Variants in SLC26A4 observed in about 807,000 individuals in gnomAD.
SLC26A4 encodes the protein pendrin.
A neutral mutation model predicts 90.4 loss-of-function variants in SLC26A4; 93 were observed. The ratio of observed to expected loss-of-function variants is 1.03; its 90% CI spans 0.87 to 1.22. SLC26A4 has a LOEUF of 1.22. Ranked by LOEUF, SLC26A4 falls within the 50% of genes most tolerant of loss-of-function variation. The pLI, the probability that SLC26A4 is intolerant of heterozygous loss-of-function variation, is 0.00. For missense variants in SLC26A4, 1,127 were observed against 946.2 expected, an observed-to-expected ratio of 1.19 and a Z score of -2.51; for synonymous variants, 393 against 354.6, an observed-to-expected ratio of 1.11 and a Z score of -1.22.
intron 6 of SLC26A4, among the ~76,000 whole-genome samples, chr7:107,679,453 A>G (rs1791116912): frequency 6.6e-6 from 1 of 152,222 alleles, no homozygotes; most frequent in African/African-American, 2.4e-5. Flanking sequence ...TAAAATAAAC[A>G]AAAATAAATT....
Position 107,669,690 on chromosome 7 carries a change from T to C in SLC26A4, c.305-2448T>C, listed in dbSNP as rs138429622. On this transcript the variant is annotated intron_variant, in intron 3 of 20. Transcript: ENST00000644269. ...TTAACAGTGCCTGACACATGGTAGG[T>C]GCATAATCAACTGTTGTTGAATGAA... Among the ~76,000 whole-genome samples the C allele has an allele frequency of 1.3e-3, 202 of 152,330 alleles. 1 individual carries two copies. Among genetic ancestry groups the C allele is most frequent in the African/African-American group, 4.6e-3 (190 of 41,574 alleles).
At chr7:107,712,691 G>A in intron 20 of SLC26A4, 69 bp downstream of exon 20, 1 of 842,456 alleles carries the variant, frequency 1.2e-6, no homozygotes, top group East Asian at 2.5e-5. Context: ...TACAAATAGT[G>A]AATATATCTG....
chr7:107,674,257 TA>T lies in SLC26A4; in HGVS notation c.510del (p.Leu171Ter). 6.2e-7 allele frequency: 1 copy of T among 1,614,038 alleles called. No individual in the cohort carries two copies. The highest frequency in any genetic ancestry group is 1.1e-5 in the South Asian group (1 of 91,072). On this transcript the variant is annotated frameshift_variant, in exon 5 of 21. Coordinates refer to ENST00000644269, the MANE Select transcript of SLC26A4 (RefSeq NM_000441.2). LOFTEE classifies it high-confidence loss of function. ...CTCGTATCCAGCAGCAATGGAACTG[TA>T]TTAAATACTACTATGATAGACACTG... Reference protein sequence around the residue: ...HFLVSSSNGTVLNTTMIDTAA... With the variant: ...HFLVSSSNGTXLNTTMIDTAA...
chr7:107,670,407 C>CCT (rs1790831365), intron 3 of SLC26A4, among the ~76,000 whole-genome samples: 1 of 151,934 alleles, frequency 6.6e-6, no homozygotes, highest in African/African-American at 2.4e-5. Context: ...GCGCCCGGTC[C>CCT]CTCCGGCTTT....
chr7:107,700,952 G>A (rs1281556932), intron 15 of SLC26A4, 149 bp from the exon 16 acceptor site: 2 of 637,794 alleles, frequency 3.1e-6, no homozygotes, highest in African/African-American at 1.8e-5. Context: ...AGTAGACAGA[G>A]ATCTACTCCA....
At chr7:107,693,748 T>C (rs1394014608) in intron 10 of SLC26A4, 3 of 991,692 alleles carry the variant, frequency 3.0e-6, no homozygotes, top group African/African-American at 1.7e-5. Flanking sequence ...CGTTACTCCA[T>C]AGTCACTGTT....
At chr7:107,685,709 T>C (rs1316440601) in intron 8 of SLC26A4, among the ~76,000 whole-genome samples, 1 of 152,224 alleles carries the variant, frequency 6.6e-6, no homozygotes, top group Non-Finnish European at 1.5e-5. Context: ...TCTCCCATCC[T>C]GGGTGCTTTC....
At chr7:107,663,500 C>T in intron 3 of SLC26A4, 65 bp downstream of exon 3, 1 of 1,573,452 alleles carries the variant, frequency 6.4e-7, no homozygotes, top group Non-Finnish European at 8.7e-7. Flanking sequence ...CCCCAGCTAC[C>T]ATAGGTCTGT....
chr7:107,686,767 T>C (rs1292806596), intron 8 of SLC26A4, among the ~76,000 whole-genome samples: 1 of 152,262 alleles, frequency 6.6e-6, no homozygotes, highest in East Asian at 1.9e-4. Context: ...GGCACTGTTA[T>C]AGACCCCTTT....
At chr7:107,683,617 C>A in intron 8 of SLC26A4, 80 bp downstream of exon 8, 2 of 1,109,500 alleles carry the variant, frequency 1.8e-6, no homozygotes, top group Non-Finnish European at 2.7e-6. Flanking sequence ...CCTTTTATTA[C>A]AAGCTTCATT....
In SLC26A4 at chr7:107,698,065, G is replaced by T; in HGVS notation, c.1568G>T (p.Ser523Ile). Residue 523 changes from serine to isoleucine, a missense_variant, in exon 14 of 21, where the codon AGC (serine) becomes ATC (isoleucine). Ser to Ile is a moderately radical substitution (Grantham distance 142, BLOSUM62 -2). Transcript: ENST00000644269. ...AGTCCTTCTTGGAATGGCCTTGGAA[G>T]CATCCCTAGCACAGATATCTACAAA... ...VQFPSWNGLG[S>I]IPSTDIYKST... 6.2e-7 allele frequency: 1 copy of T among 1,609,862 alleles called. No individual in the cohort carries two copies. Among genetic ancestry groups the T allele is most frequent in the East Asian group, 2.2e-5 (1 of 44,840 alleles).
At chr7:107,692,051 C>A in intron 10 of SLC26A4, 2 of 1,289,258 alleles carry the variant, frequency 1.6e-6, no homozygotes, top group Non-Finnish European at 2.0e-6. Context: ...CCTCCAGGCT[C>A]AAATGAGGCA....
chr7:107,698,115 A>G lies in SLC26A4; in HGVS notation c.1614+4A>G. Reference sequence around the variant, plus strand: ...AAGTACCAAGAATTACAAAAACGTAAGTACCTTTGTGAGACATTTGCTGGA... The same window carrying G: ...AAGTACCAAGAATTACAAAAACGTAGGTACCTTTGTGAGACATTTGCTGGA... On this transcript the variant is annotated splice_donor_region_variant and intron_variant, in intron 14 of 20. Coordinates refer to ENST00000644269, the MANE Select transcript of SLC26A4 (RefSeq NM_000441.2). 6.3e-7 allele frequency: 1 copy of G among 1,589,240 alleles called. No homozygotes were observed. Among genetic ancestry groups the G allele is most frequent in the Non-Finnish European group, 8.6e-7 (1 of 1,157,466 alleles).
chr7:107,661,749 C>A lies in SLC26A4; in HGVS notation c.108C>A (p.His36Gln). The A allele has an allele frequency of 6.5e-7, 1 of 1,547,898 alleles. No homozygotes were observed. Among genetic ancestry groups the A allele is most frequent in the Non-Finnish European group, 8.7e-7 (1 of 1,150,164 alleles). ...VYSELAFQQQ[H>Q]ERRLQERKTL... is the part of the protein sequence containing the mutation. Reference sequence around the variant, plus strand: ...GCGAGCTCGCTTTCCAGCAACAGCACGAGCGGCGCCTGCAGGAGCGCAAGA... The same window carrying A: ...GCGAGCTCGCTTTCCAGCAACAGCAAGAGCGGCGCCTGCAGGAGCGCAAGA... The change falls in exon 2 of 21, where the codon CAC becomes CAA. Residue 36 changes from histidine (H) to glutamine (Q), a missense_variant. Coordinates refer to ENST00000644269, the MANE Select transcript of SLC26A4 (RefSeq NM_000441.2). This position sits in a 1 kb window ranked among gnomAD's most constrained non-coding sequence, Gnocchi z 5.1.
chr7:107,679,091 A>G (rs1342591710), intron 6 of SLC26A4, among the ~76,000 whole-genome samples: 1 of 152,254 alleles, frequency 6.6e-6, no homozygotes, highest in Non-Finnish European at 1.5e-5. Context: ...TACTGGATGT[A>G]GGAGGCAGAA....
Position 107,683,455 on chromosome 7 carries a change from A to C in SLC26A4, c.919A>C (p.Thr307Pro). The C allele has an allele frequency of 6.2e-7, 1 of 1,613,766 alleles. No homozygotes were observed. Among genetic ancestry groups the C allele is most frequent in the Non-Finnish European group, 8.5e-7 (1 of 1,179,720 alleles). The change falls in exon 8 of 21, where the codon ACG becomes CCG. Residue 307 changes from threonine to proline, a missense_variant and splice_region_variant. Coordinates refer to ENST00000644269, the MANE Select transcript of SLC26A4 (RefSeq NM_000441.2). ...TTTAACATCTTTTGTTTTATTTCAG[A>C]CGATAATTGCTACTGCCATTTCATA... ...PVPIPIEVIV[T>P]IIATAISYGA...
At chr7:107,680,395 A>AAACTT (rs1562827628) in intron 6 of SLC26A4, among the ~76,000 whole-genome samples, 1 of 143,452 alleles carries the variant, frequency 7.0e-6, no homozygotes, top group Non-Finnish European at 1.5e-5. Flanking sequence ...ATTATTATAT[A>AAACTT]ATCTTATCTT....
intron 18 of SLC26A4, among the ~76,000 whole-genome samples, chr7:107,709,070 G>T (rs1478337659): frequency 6.6e-6 from 1 of 152,184 alleles, no homozygotes; most frequent in Non-Finnish European, 1.5e-5. Context: ...AGGGGAGCAG[G>T]ATAGGGAAGG....
In SLC26A4 at chr7:107,712,603, A is replaced by G. The variant is rs775355598; in HGVS notation, c.2300A>G (p.Glu767Gly). The stretch of plus-strand genomic sequence containing the variant: ...ATAGAAACAGAGCTGACGGAAGAAG[A>G]ACTTGATGTCCAGGATGAGGTATGA... ...ELIETELTEE[E>G]LDVQDEAMRT... is the part of the protein sequence containing the mutation. The change falls in exon 20 of 21, where the codon GAA becomes GGA. Residue 767 changes from glutamate (E) to glycine (G), a missense_variant. Coordinates refer to ENST00000644269, the MANE Select transcript of SLC26A4 (RefSeq NM_000441.2). The G allele has an allele frequency of 1.3e-6, 2 of 1,569,520 alleles. No homozygotes were observed. Among genetic ancestry groups the G allele is most frequent in the African/African-American group, 1.4e-5 (1 of 73,962 alleles).
Sources: gnomAD v4.1 joint callset for allele counts (sites outside exome capture counted in the v4.1 genomes callset) on GRCh38, gnomAD v4.1.1 for gene constraint, Gnocchi (gnomAD v3.1) non-coding constraint, MANE v1.5 for transcripts, NCBI Gene and HGNC (gene_info 2026-07-23, HGNC 2026-07-21) for gene names.